RXRA: variants seen among roughly 807,000 people sequenced by gnomAD.
RXRA encodes retinoid X receptor alpha.
In RXRA, 5 loss-of-function variants were observed where a neutral mutation model predicts 44.5. The observed-to-expected ratio is 0.11, with a 90% CI of 0.06 to 0.24. The LOEUF (loss-of-function observed/expected upper bound fraction) is 0.24, where lower values mean the gene tolerates loss of function less well. RXRA is among the 10% of genes least tolerant of loss of function. RXRA has a pLI of 1.00. For synonymous variants in RXRA, 291 were observed against 271.4 expected (o/e 1.07, Z -0.71); for missense variants, 412 against 646.5 (o/e 0.64, Z 3.93).
intron 1 of RXRA, among the ~76,000 whole-genome samples, chr9:134,396,003 C>G (rs554720725): frequency 1.3e-5 from 2 of 152,240 alleles, no homozygotes; most frequent in South Asian, 4.1e-4. Context: ...TGCGGGGAGG[C>G]GGGAAACAGA....
chr9:134,429,545 G>A (rs964028330), intron 7 of RXRA, among the ~76,000 whole-genome samples: 2 of 152,202 alleles, frequency 1.3e-5, no homozygotes, highest in South Asian at 2.1e-4. Flanking sequence ...TGATTATACC[G>A]TAGATGCAGT....
At chr9:134,428,933 A>G (rs1209527742) in intron 6 of RXRA, among the ~76,000 whole-genome samples, 175 bp from the exon 7 acceptor site, 3 of 152,194 alleles carry the variant, frequency 2.0e-5, no homozygotes, top group Non-Finnish European at 2.9e-5. Context: ...TGTACTGTAG[A>G]ACGGGCATTC....
chr9:134,375,437 G>C (rs1174934052), intron 1 of RXRA, among the ~76,000 whole-genome samples: 1 of 152,192 alleles, frequency 6.6e-6, no homozygotes, highest in Admixed American at 6.5e-5. Context: ...AGGGCTCCCG[G>C]GTGGGCTGTG....
At chr9:134,425,213 A>C (rs1034063185) in intron 6 of RXRA, 2 of 985,146 alleles carry the variant, frequency 2.0e-6, no homozygotes, top group East Asian at 1.1e-4. Flanking sequence ...TGGGAGGTTG[A>C]TGTCACACGT....
At chr9:134,345,977 C>T (rs1830146064) in intron 1 of RXRA, among the ~76,000 whole-genome samples, 1 of 152,156 alleles carries the variant, frequency 6.6e-6, no homozygotes, top group African/African-American at 2.4e-5. Context: ...ACCTGTGTTT[C>T]CTGATACATG....
At chr9:134,363,878 C>T (rs1236694363) in intron 1 of RXRA, among the ~76,000 whole-genome samples, 1 of 152,222 alleles carries the variant, frequency 6.6e-6, no homozygotes, top group Non-Finnish European at 1.5e-5. Flanking sequence ...TCACCATCTC[C>T]CCCGGGTTTG....
At chr9:134,338,522 C>T (rs545312841) in intron 1 of RXRA, among the ~76,000 whole-genome samples, 1 of 152,308 alleles carries the variant, frequency 6.6e-6, no homozygotes, top group African/African-American at 2.4e-5. Flanking sequence ...CTGGGAGAGG[C>T]GTGTCCCCAC....
At chr9:134,420,185 A>G (rs1831306184) in intron 5 of RXRA, among the ~76,000 whole-genome samples, 1 of 152,188 alleles carries the variant, frequency 6.6e-6, no homozygotes, top group African/African-American at 2.4e-5. Flanking sequence ...CGCCCCTGCC[A>G]GGCCTGCTTC....
chr9:134,370,508 G>A (rs1336970743), intron 1 of RXRA, among the ~76,000 whole-genome samples: 1 of 152,248 alleles, frequency 6.6e-6, no homozygotes, highest in Non-Finnish European at 1.5e-5. Flanking sequence ...ACAAGGCCAA[G>A]CCTTTGCCCC....
chr9:134,344,835 C>T (rs569400194), intron 1 of RXRA, among the ~76,000 whole-genome samples: 1 of 152,348 alleles, frequency 6.6e-6, no homozygotes, highest in South Asian at 2.1e-4. Flanking sequence ...CCTCGACGCT[C>T]TATGGGCACT....
At chr9:134,375,006 C>T (rs1350278671) in intron 1 of RXRA, among the ~76,000 whole-genome samples, 1 of 152,158 alleles carries the variant, frequency 6.6e-6, no homozygotes, top group Non-Finnish European at 1.5e-5. Flanking sequence ...CCTTGGCACC[C>T]AGGGTGAGGG....
rs1363448357 is a variant in RXRA, at chr9:134,349,893, C to A, written c.28+23234C>A. 6.6e-6 allele frequency among the ~76,000 whole-genome samples: 1 copy of A among 152,136 alleles called. No individual in the cohort carries two copies. The highest frequency in any genetic ancestry group is 1.5e-5 in the Non-Finnish European group (1 of 68,022). ...GACAGTTTGCACGATCTCATCCTGC[C>A]TGTGACACCTTCCTCTCCTCCTGTT... is the stretch of plus-strand genomic sequence containing the variant. On this transcript the variant is annotated intron_variant, in intron 1 of 9. Transcript: ENST00000481739. The surrounding 1 kb of genome is among the most constrained non-coding windows in gnomAD (Gnocchi z 4.3).
chr9:134,414,363 G>C (rs1831199058), intron 4 of RXRA, among the ~76,000 whole-genome samples: 1 of 152,246 alleles, frequency 6.6e-6, no homozygotes, highest in African/African-American at 2.4e-5. Flanking sequence ...CTGGCACCGG[G>C]CCGGGCTGGC....
intron 1 of RXRA, among the ~76,000 whole-genome samples, chr9:134,337,301 T>C (rs1294837721): frequency 6.6e-6 from 1 of 152,188 alleles, no homozygotes; most frequent in Non-Finnish European, 1.5e-5. Context: ...GCCTGCTGTC[T>C]GTCCGTCCGC....
intron 1 of RXRA, among the ~76,000 whole-genome samples, chr9:134,338,764 C>T (rs1426348864): frequency 1.3e-5 from 2 of 152,236 alleles, no homozygotes; most frequent in African/African-American, 4.8e-5. Context: ...GGCCAGACCC[C>T]TGCACTGTGC....
intron 1 of RXRA, among the ~76,000 whole-genome samples, chr9:134,385,642 C>T (rs981457963): frequency 6.6e-6 from 1 of 152,212 alleles, no homozygotes; most frequent in African/African-American, 2.4e-5. Context: ...CCTGCGCGAG[C>T]GGTGGTGGCC....
chr9:134,354,266 A>G (rs2119049315), intron 1 of RXRA, among the ~76,000 whole-genome samples: 1 of 152,284 alleles, frequency 6.6e-6, no homozygotes, highest in Admixed American at 6.5e-5. Flanking sequence ...CTCTGCGGCT[A>G]ATCTAATGTC....
rs1286372463 is a variant in RXRA, at chr9:134,417,291, C to A, written c.744C>A (p.Thr248=). Residue 248 remains threonine, a synonymous_variant, in exon 5 of 10, where the codon ACC becomes ACA. Coordinates refer to ENST00000481739, the MANE Select transcript of RXRA (RefSeq NM_002957.6). The surrounding 1 kb of genome is among the most constrained non-coding windows in gnomAD (Gnocchi z 6.1). ...AELAVEPKTE[T]YVEANMGLNP... is the part of the protein sequence containing the mutation. ...TGGCCGTGGAGCCCAAGACCGAGAC[C>A]TACGTGGAGGCAAACATGGGGCTGA... The A allele has an allele frequency of 1.2e-6, 2 of 1,613,740 alleles. No homozygotes were observed. Among genetic ancestry groups the A allele is most frequent in the Admixed American group, 1.7e-5 (1 of 60,000 alleles).
chr9:134,377,138 C>G (rs1301575766), intron 1 of RXRA, among the ~76,000 whole-genome samples: 1 of 152,208 alleles, frequency 6.6e-6, no homozygotes, highest in Non-Finnish European at 1.5e-5. Flanking sequence ...GAGCCCCAAG[C>G]TCGCTGCATC....
Sources: allele counts gnomAD v4.1 joint callset (sites outside exome capture counted in the v4.1 genomes callset), GRCh38; gene constraint gnomAD v4.1.1; non-coding constraint Gnocchi (gnomAD v3.1); transcripts MANE v1.5; gene names NCBI Gene and HGNC (gene_info 2026-07-23, HGNC 2026-07-21).